HDAC9: variants seen among roughly 807,000 people sequenced by gnomAD.
HDAC9 encodes histone deacetylase 9, also known as MEF-2 interacting transcription repressor (MITR) protein.
HDAC9 carries 41 observed loss-of-function variants against 139.4 expected under a neutral mutation model. That is an observed-to-expected ratio of 0.29 (90% CI 0.23 to 0.38). The LOEUF (loss-of-function observed/expected upper bound fraction) is 0.38, where lower values mean the gene tolerates loss of function less well. Ranked by LOEUF, HDAC9 falls within the 10% of genes least tolerant of loss-of-function variation. The pLI, the probability that HDAC9 is intolerant of heterozygous loss-of-function variation, is 1.00. For synonymous variants in HDAC9, 517 were observed against 476.2 expected (o/e 1.09, Z -1.12); for missense variants, 1,147 against 1,297.0 (o/e 0.88, Z 1.78).
intron 2 of HDAC9, among the ~76,000 whole-genome samples, chr7:18,584,888 G>A (rs552733995): frequency 2.0e-5 from 3 of 152,020 alleles, no homozygotes; most frequent in African/African-American, 7.2e-5. Flanking sequence ...ATGTAGTCAT[G>A]GTGGAAGTTC....
intron 1 of HDAC9, among the ~76,000 whole-genome samples, chr7:18,105,681 T>C (rs1783148128): frequency 6.6e-6 from 1 of 151,630 alleles, no homozygotes; most frequent in African/African-American, 2.4e-5. Flanking sequence ...AGAAAACAAT[T>C]TTGGTAGTTC....
chr7:18,285,669 C>G (rs1227393010), upstream of HDAC9, among the ~76,000 whole-genome samples: 1 of 151,996 alleles, frequency 6.6e-6, no homozygotes, highest in Non-Finnish European at 1.5e-5. Context: ...TCATAATTTA[C>G]ATTTACTTGC....
At chr7:18,588,138 A>T (rs751413723) in intron 3 of HDAC9, among the ~76,000 whole-genome samples, 1 of 152,198 alleles carries the variant, frequency 6.6e-6, no homozygotes, top group Non-Finnish European at 1.5e-5. Context: ...TAATAAGGCT[A>T]TTATGGTTGA....
At chr7:18,741,859 G>A (rs1327100783) in intron 13 of HDAC9, among the ~76,000 whole-genome samples, 1 of 152,094 alleles carries the variant, frequency 6.6e-6, no homozygotes, top group Non-Finnish European at 1.5e-5. Context: ...GACTTCGAGG[G>A]GGTCAATACT....
chr7:18,483,159 G>T (rs1223492099), intron 1 of HDAC9, among the ~76,000 whole-genome samples: 2 of 152,198 alleles, frequency 1.3e-5, no homozygotes, highest in Non-Finnish European at 2.9e-5. Context: ...TAAGAAATAT[G>T]TGCTTAAGTT....
chr7:18,108,845 C>T (rs956737995), intron 1 of HDAC9, among the ~76,000 whole-genome samples: 1 of 152,124 alleles, frequency 6.6e-6, no homozygotes, highest in Admixed American at 6.5e-5. Context: ...TGGTCTCGAA[C>T]TCCTGACCTC....
chr7:18,392,399 GGATAGATAGATAGATA>G (rs58794891), intron 1 of HDAC9, among the ~76,000 whole-genome samples: 26 of 146,864 alleles, frequency 1.8e-4, no homozygotes, highest in African/African-American at 4.8e-4. Flanking sequence ...ATAGATAGAT[GGATAGATAGATAGATA>G]GATAGATAGA....
intron 2 of HDAC9, among the ~76,000 whole-genome samples, chr7:18,521,352 T>C (rs913306324): frequency 6.6e-6 from 1 of 152,190 alleles, no homozygotes; most frequent in African/African-American, 2.4e-5. Flanking sequence ...AGGGTACAGA[T>C]TTTTAAGAAG....
At chr7:18,156,131 A>G (rs1381116163) in intron 1 of HDAC9, among the ~76,000 whole-genome samples, 1 of 152,184 alleles carries the variant, frequency 6.6e-6, no homozygotes, top group South Asian at 2.1e-4. Flanking sequence ...GTCTTCATGA[A>G]TAAGTGGTTT....
intron 1 of HDAC9, among the ~76,000 whole-genome samples, chr7:18,439,328 C>T (rs75349826): frequency 0.013 from 2,051 of 152,244 alleles, 41 homozygotes; most frequent in African/African-American, 0.047. Context: ...ATACTGGAAG[C>T]GCATTGTAAT....
chr7:18,226,377 G>A (rs1040743040), intron 2 of HDAC9, among the ~76,000 whole-genome samples: 5 of 152,026 alleles, frequency 3.3e-5, no homozygotes, highest in Admixed American at 1.3e-4. Context: ...AGCACCTGGA[G>A]GTTGAGCACA....
intron 16 of HDAC9, among the ~76,000 whole-genome samples, 176 bp downstream of exon 16, chr7:18,767,331 A>G (rs976052510): frequency 1.3e-4 from 20 of 152,214 alleles, no homozygotes; most frequent in African/African-American, 4.3e-4. Flanking sequence ...GCCCTTGTTA[A>G]AAATAAATTC....
chr7:18,990,658 C>G (rs1046659315), intron 25 of HDAC9, among the ~76,000 whole-genome samples: 1 of 152,218 alleles, frequency 6.6e-6, no homozygotes, highest in African/African-American at 2.4e-5. Context: ...TGGCTGCCGC[C>G]TTGCAGTTTG....
At chr7:18,770,700 A>G (rs1585007512) in intron 16 of HDAC9, among the ~76,000 whole-genome samples, 1 of 152,174 alleles carries the variant, frequency 6.6e-6, no homozygotes, top group East Asian at 1.9e-4. Flanking sequence ...TTGATAACAG[A>G]CTCTGCGCTT....
chr7:18,687,933 T>C (rs147366249), intron 12 of HDAC9, among the ~76,000 whole-genome samples: 2,607 of 151,894 alleles, frequency 0.017, 26 homozygotes, highest in Non-Finnish European at 0.027. Flanking sequence ...CTAGATAACT[T>C]TTTACTTTAT....
intron 21 of HDAC9, among the ~76,000 whole-genome samples, chr7:18,862,471 T>C (rs1798184152): frequency 6.6e-6 from 1 of 152,162 alleles, no homozygotes; most frequent in African/African-American, 2.4e-5. Flanking sequence ...ATATCTTGAG[T>C]TGGAATCAAG....
chr7:18,596,286 T>C (rs918486446), intron 6 of HDAC9, among the ~76,000 whole-genome samples: 14 of 152,116 alleles, frequency 9.2e-5, no homozygotes, highest in Admixed American at 3.9e-4. Flanking sequence ...ATTCCAATTG[T>C]CTGTTTAAGA....
chr7:18,452,962 T>C (rs1219558214), intron 1 of HDAC9, among the ~76,000 whole-genome samples: 1 of 152,192 alleles, frequency 6.6e-6, no homozygotes, highest in African/African-American at 2.4e-5. Context: ...TAAACTAGGA[T>C]GCTCTATCAA....
At chr7:18,480,638 G>C (rs1306286107) in intron 1 of HDAC9, among the ~76,000 whole-genome samples, 1 of 152,154 alleles carries the variant, frequency 6.6e-6, no homozygotes, top group Non-Finnish European at 1.5e-5. Context: ...TTGAGGAAAG[G>C]AAATAGAGTT....
Sources: gnomAD v4.1 joint callset for allele counts (sites outside exome capture counted in the v4.1 genomes callset) on GRCh38, gnomAD v4.1.1 for gene constraint, MANE v1.5 for transcripts, NCBI Gene and HGNC (gene_info 2026-07-23, HGNC 2026-07-21) for gene names.